SORCS3: variants seen among roughly 807,000 people sequenced by gnomAD.
The protein encoded by SORCS3 is VPS10 domain-containing receptor SorCS3.
SORCS3 carries 57 observed loss-of-function variants against 146.3 expected under a neutral mutation model. The observed-to-expected ratio is 0.39, with a 90% CI of 0.31 to 0.49. SORCS3 has a LOEUF of 0.49. Among genes scored for constraint, SORCS3 ranks in the 20% least tolerant of loss-of-function variants. The probability of loss-of-function intolerance (pLI) is 0.92; values close to 1 mark genes in which losing one functional copy is unlikely to be tolerated. For synonymous variants in SORCS3, 653 were observed against 618.5 expected, an observed-to-expected ratio of 1.06 and a Z score of -0.83; for missense variants, 1,341 against 1,575.5, an observed-to-expected ratio of 0.85 and a Z score of 2.52.
At chr10:104,879,056 A>G (rs1290871869) in intron 2 of SORCS3, among the ~76,000 whole-genome samples, 1 of 152,238 alleles carries the variant, frequency 6.6e-6, no homozygotes, top group Non-Finnish European at 1.5e-5. Flanking sequence ...ACAAGTTAGG[A>G]TTCAACTTTG....
chr10:105,186,334 T>C (rs186401023), intron 14 of SORCS3, among the ~76,000 whole-genome samples: 2 of 152,366 alleles, frequency 1.3e-5, no homozygotes, highest in Non-Finnish European at 2.9e-5. Context: ...GTGTCTTATT[T>C]ATTATCTCCC....
chr10:105,159,637 T>C (rs2056245094), intron 11 of SORCS3, among the ~76,000 whole-genome samples: 1 of 152,188 alleles, frequency 6.6e-6, no homozygotes, highest in East Asian at 1.9e-4. Flanking sequence ...AAGAATACAT[T>C]GATGGCATAA....
In SORCS3 at chr10:104,901,849, C is replaced by A. The variant is rs1307117379; in HGVS notation, c.696-13984C>A. 1.2e-4 allele frequency among the ~76,000 whole-genome samples: 19 copies of A among 152,120 alleles called. 1 individual carries two copies. Among genetic ancestry groups the A allele is most frequent in the Admixed American group, 1.2e-3 (19 of 15,274 alleles). On this transcript the variant is annotated intron_variant, in intron 2 of 26. Transcript: ENST00000369701. ...ATTAGGTGATGCAGAGGCTGGCAAA[C>A]CTTTGAACAGCTGAATGCTTACTCC...
At chr10:104,780,463 T>C (rs2017361573) in intron 1 of SORCS3, among the ~76,000 whole-genome samples, 1 of 152,172 alleles carries the variant, frequency 6.6e-6, no homozygotes, top group Non-Finnish European at 1.5e-5. Flanking sequence ...GCCCAGACTT[T>C]GGTGACATAT....
intron 25 of SORCS3, among the ~76,000 whole-genome samples, chr10:105,258,057 C>T (rs1200116597): frequency 6.6e-6 from 1 of 152,072 alleles, no homozygotes; most frequent in Non-Finnish European, 1.5e-5. Context: ...CTCTTCCTGC[C>T]CCCCTTCTTC....
At chr10:105,097,660 AT>A (rs1456222539) in intron 6 of SORCS3, among the ~76,000 whole-genome samples, 26 of 152,160 alleles carry the variant, frequency 1.7e-4, no homozygotes, top group Non-Finnish European at 3.7e-4. Context: ...TTTATAATTT[AT>A]TTTTTTCATC....
chr10:105,116,502 A>T (rs2055894268), intron 7 of SORCS3, among the ~76,000 whole-genome samples: 1 of 152,214 alleles, frequency 6.6e-6, no homozygotes, highest in Non-Finnish European at 1.5e-5. Flanking sequence ...TTAAAACAGG[A>T]TTACCATTCG....
chr10:104,969,345 G>GCA (rs1355038888), intron 3 of SORCS3, among the ~76,000 whole-genome samples: 20 of 151,312 alleles, frequency 1.3e-4, no homozygotes, highest in Non-Finnish European at 2.1e-4. Context: ...GTGTGTGCGC[G>GCA]CGCGCGTACA....
At chr10:104,705,227 T>G (rs1344437831) in intron 1 of SORCS3, among the ~76,000 whole-genome samples, 2 of 14,254 alleles carry the variant, frequency 1.4e-4, no homozygotes, top group Non-Finnish European at 4.3e-4. Flanking sequence ...AGGCCTTCGT[T>G]TTTTTTTTTT....
At chr10:105,167,407 A>T in intron 13 of SORCS3, 58 bp downstream of exon 13, 1 of 1,242,564 alleles carries the variant, frequency 8.0e-7, no homozygotes, top group Non-Finnish European at 1.2e-6. Flanking sequence ...AGTGGAGAGG[A>T]TTGTGATGAG....
intron 3 of SORCS3, among the ~76,000 whole-genome samples, chr10:104,959,575 AT>A (rs2054780857): frequency 6.6e-6 from 1 of 152,122 alleles, no homozygotes; most frequent in Non-Finnish European, 1.5e-5. Flanking sequence ...CCAGGGTATG[AT>A]ATTCTTTTAT....
At chr10:105,035,270 A>T (rs1215333616) in intron 4 of SORCS3, among the ~76,000 whole-genome samples, 1 of 152,190 alleles carries the variant, frequency 6.6e-6, no homozygotes, top group Non-Finnish European at 1.5e-5. Context: ...TTAAGGTGAG[A>T]ATTATTAGAG....
intron 1 of SORCS3, among the ~76,000 whole-genome samples, chr10:104,693,788 C>T (rs985587298): frequency 6.6e-6 from 1 of 151,994 alleles, no homozygotes; most frequent in Non-Finnish European, 1.5e-5. Flanking sequence ...AAACATTATC[C>T]AAGGAGGAGA....
intron 1 of SORCS3, among the ~76,000 whole-genome samples, chr10:104,754,497 G>T (rs1004348856): frequency 6.6e-6 from 1 of 152,146 alleles, no homozygotes; most frequent in East Asian, 1.9e-4. Flanking sequence ...GCAGATGTTA[G>T]ACACAAAGTC....
At chr10:105,092,301 T>A (rs59594412) in intron 6 of SORCS3, among the ~76,000 whole-genome samples, 16,337 of 152,200 alleles carry the variant, frequency 0.11, 978 homozygotes, top group East Asian at 0.17. Flanking sequence ...GATAAATGTC[T>A]TGTGCTGTAC....
At chr10:104,827,508 A>G (rs1306671704) in intron 1 of SORCS3, among the ~76,000 whole-genome samples, 1 of 152,120 alleles carries the variant, frequency 6.6e-6, no homozygotes, top group African/African-American at 2.4e-5. Context: ...TGGGCTTAAA[A>G]TTTTCAGTAA....
At chr10:104,763,620 C>T (rs1292243248) in intron 1 of SORCS3, among the ~76,000 whole-genome samples, 2 of 152,180 alleles carry the variant, frequency 1.3e-5, no homozygotes, top group Non-Finnish European at 2.9e-5. Flanking sequence ...CAGGCGTGGA[C>T]TTCTATGCTC....
chr10:105,089,716 A>G (rs754675609), intron 5 of SORCS3, 59 bp from the exon 6 acceptor site: 2 of 1,407,094 alleles, frequency 1.4e-6, no homozygotes, highest in Non-Finnish European at 2.0e-6. Flanking sequence ...AGTGCATCCC[A>G]CTTTGCTGTC....
chr10:105,017,542 A>C (rs1359608164), intron 4 of SORCS3, among the ~76,000 whole-genome samples: 1 of 152,236 alleles, frequency 6.6e-6, no homozygotes, highest in South Asian at 2.1e-4. Flanking sequence ...GGAGGCACTC[A>C]TGGGCTTTAT....
Sources: allele counts gnomAD v4.1 joint callset (sites outside exome capture counted in the v4.1 genomes callset), GRCh38; gene constraint gnomAD v4.1.1; transcripts MANE v1.5; gene names NCBI Gene and HGNC (gene_info 2026-07-23, HGNC 2026-07-21).